The following PTPRG variants were observed in gnomAD, a reference collection of about 807,000 sequenced individuals.
The protein encoded by PTPRG is receptor-type tyrosine-protein phosphatase gamma.
In PTPRG, 102 loss-of-function variants were observed where a neutral mutation model predicts 165.3. The ratio of observed to expected loss-of-function variants is 0.62; its 90% CI spans 0.53 to 0.73. The LOEUF (loss-of-function observed/expected upper bound fraction) is 0.73. Ranked by LOEUF, PTPRG falls within the 30% of genes least tolerant of loss-of-function variation. The probability of loss-of-function intolerance (pLI) is 0.00; values close to 1 mark genes in which losing one functional copy is unlikely to be tolerated. For missense variants in PTPRG, 1,866 were observed against 1,861.4 expected, an observed-to-expected ratio of 1.00 and a Z score of -0.05; for synonymous variants, 675 against 669.5, an observed-to-expected ratio of 1.01 and a Z score of -0.13.
At chr3:61,829,509 A>G (rs980089602) in intron 2 of PTPRG, among the ~76,000 whole-genome samples, 16 of 152,244 alleles carry the variant, frequency 1.1e-4, no homozygotes, top group Non-Finnish European at 2.4e-4. Context: ...TTAAAGGATC[A>G]GGCCCGAAGA....
At chr3:61,630,362 A>G (rs932324662) in intron 1 of PTPRG, among the ~76,000 whole-genome samples, 16 of 152,212 alleles carry the variant, frequency 1.1e-4, no homozygotes, top group Middle Eastern at 3.2e-3. Context: ...ACCATCCTGT[A>G]TGAATATGGA....
intron 1 of PTPRG, among the ~76,000 whole-genome samples, chr3:61,594,774 C>A (rs559103341): frequency 6.6e-6 from 1 of 152,320 alleles, no homozygotes; most frequent in East Asian, 1.9e-4. Flanking sequence ...CACTAATAAT[C>A]TGGCAGTCCT....
At chr3:62,085,676 T>C (rs1701729314) in intron 5 of PTPRG, among the ~76,000 whole-genome samples, 2 of 152,230 alleles carry the variant, frequency 1.3e-5, no homozygotes, top group Non-Finnish European at 2.9e-5. Context: ...CTCTTGCTAT[T>C]CTTTACATGT....
intron 26 of PTPRG, among the ~76,000 whole-genome samples, chr3:62,279,304 G>A (rs936711316): frequency 1.3e-5 from 2 of 152,038 alleles, no homozygotes; most frequent in Admixed American, 6.6e-5. Context: ...TGAGACCAGT[G>A]TGCCTGCTGA....
At chr3:61,857,803 C>T (rs2037154832) in intron 2 of PTPRG, among the ~76,000 whole-genome samples, 1 of 152,050 alleles carries the variant, frequency 6.6e-6, no homozygotes, top group African/African-American at 2.4e-5. Flanking sequence ...GGCTTTCTTT[C>T]TCCTTTGGAA....
At position 61,982,830 on chromosome 3, in the gene PTPRG, G is replaced by C. The variant is rs187826139; in HGVS notation, c.191-6795G>C. Among the ~76,000 whole-genome samples, 9 of 152,250 alleles carry C rather than the reference G, an allele frequency of 5.9e-5. No individual in the cohort carries two copies. In the East Asian group the frequency reaches 1.7e-3, roughly 29 times the overall value. ...TCCAGTCCTAAAATAGACACCCTGG[G>C]AAATTAGACAGATAATGGTATTAAA... is the stretch of plus-strand genomic sequence containing the variant. On this transcript the variant is annotated intron_variant, in intron 2 of 29. Transcript: ENST00000474889.
chr3:61,677,217 C>T (rs567557590), intron 1 of PTPRG, among the ~76,000 whole-genome samples: 1 of 135,978 alleles, frequency 7.4e-6, no homozygotes, highest in East Asian at 2.2e-4. Context: ...TGCACTCCAG[C>T]GTGGGTGACA....
chr3:61,772,416 T>C (rs913689365), intron 2 of PTPRG, among the ~76,000 whole-genome samples: 1 of 152,006 alleles, frequency 6.6e-6, no homozygotes, highest in Non-Finnish European at 1.5e-5. Flanking sequence ...AATTTTTGTA[T>C]CATTAATATT....
intron 1 of PTPRG, among the ~76,000 whole-genome samples, chr3:61,660,917 G>C (rs1049277309): frequency 6.6e-6 from 1 of 152,124 alleles, no homozygotes; most frequent in Non-Finnish European, 1.5e-5. Context: ...CATGAGAATC[G>C]CTTGAACCTG....
In PTPRG at chr3:61,809,171, A is replaced by T. The variant is rs376178497; in HGVS notation, c.190+60189A>T. ...TTTCTTATTATTATCACGGTGGGGG[A>T]GGTTAGTGGGGGAAAGTTACAAAAT... On this transcript the variant is annotated intron_variant, in intron 2 of 29. Coordinates refer to ENST00000474889, the MANE Select transcript of PTPRG (RefSeq NM_002841.4). Among the ~76,000 whole-genome samples, 91 of 149,484 alleles carry T rather than the reference A, an allele frequency of 6.1e-4. 1 individual carries two copies. In the Middle Eastern group the frequency reaches 0.041, roughly 67 times the overall value.
intron 2 of PTPRG, chr3:61,753,626 C>A (rs1406163472): frequency 4.9e-6 from 2 of 405,368 alleles, no homozygotes; most frequent in African/African-American, 2.4e-5. Context: ...GCTCTTTCAC[C>A]CAGGCTGGAG....
intron 2 of PTPRG, among the ~76,000 whole-genome samples, chr3:61,958,964 G>A (rs770383533): frequency 2.0e-5 from 3 of 152,168 alleles, no homozygotes; most frequent in Non-Finnish European, 4.4e-5. Context: ...AGTGGAGAGA[G>A]GGGCCACTTC....
chr3:61,784,320 C>T (rs1178994089), intron 2 of PTPRG, among the ~76,000 whole-genome samples: 3 of 152,082 alleles, frequency 2.0e-5, no homozygotes, highest in Admixed American at 6.6e-5. Flanking sequence ...GAGAAGCAGC[C>T]GTCATTTAAC....
intron 15 of PTPRG, among the ~76,000 whole-genome samples, chr3:62,246,030 C>G (rs1223000969): frequency 1.3e-5 from 2 of 152,124 alleles, no homozygotes; most frequent in African/African-American, 2.4e-5. Context: ...GTTAAATACT[C>G]AAAACCCAGG....
intron 24 of PTPRG, 109 bp from the exon 25 acceptor site, chr3:62,276,863 A>G: frequency 1.4e-5 from 11 of 797,102 alleles, no homozygotes; most frequent in Non-Finnish European, 2.3e-5. Context: ...AAGTCTTAGA[A>G]AGGGAAGCCA....
intron 1 of PTPRG, among the ~76,000 whole-genome samples, chr3:61,675,197 T>G (rs1439339782): frequency 1.3e-5 from 2 of 152,214 alleles, no homozygotes; most frequent in African/African-American, 2.4e-5. Flanking sequence ...TTTCCATATA[T>G]CTCTAATTTT....
At chr3:61,722,478 G>A (rs563108766) in intron 1 of PTPRG, among the ~76,000 whole-genome samples, 168 of 152,284 alleles carry the variant, frequency 1.1e-3, no homozygotes, top group Middle Eastern at 0.01. Context: ...TTTTGATGTA[G>A]CAGAGGAAGC....
rs566420495 is a variant in PTPRG at position 62,237,037 on chromosome 3, A to G, written c.2375+5726A>G. On this transcript the variant is annotated intron_variant, in intron 14 of 29. Transcript: ENST00000474889. This position sits in a 1 kb window ranked among gnomAD's most constrained non-coding sequence, Gnocchi z 4.5. Reference sequence around the variant, plus strand: ...TTGTGTGGAATTCCAGACATTTCTAATGTTCAGTCTTTCTGCACTCAAGTT... The same window carrying G: ...TTGTGTGGAATTCCAGACATTTCTAGTGTTCAGTCTTTCTGCACTCAAGTT... 7.0e-4 allele frequency among the ~76,000 whole-genome samples: 107 copies of G among 152,250 alleles called. No homozygotes were observed. The highest frequency in any genetic ancestry group is 2.6e-3 in the African/African-American group (106 of 41,544).
chr3:61,582,237 G>A (rs1700314336), intron 1 of PTPRG, among the ~76,000 whole-genome samples: 1 of 152,080 alleles, frequency 6.6e-6, no homozygotes, highest in Admixed American at 6.6e-5. Flanking sequence ...CAAAGTGCTG[G>A]GATTACAGGG....
Sources: allele counts gnomAD v4.1 joint callset (sites outside exome capture counted in the v4.1 genomes callset), GRCh38; gene constraint gnomAD v4.1.1; non-coding constraint Gnocchi (gnomAD v3.1); transcripts MANE v1.5; gene names NCBI Gene and HGNC (gene_info 2026-07-23, HGNC 2026-07-21).